Variants in SRSF9 observed in about 807,000 individuals in gnomAD.
The protein encoded by SRSF9 is serine and arginine rich splicing factor 9.
A neutral mutation model predicts 25.9 loss-of-function variants in SRSF9; 3 were observed. The observed-to-expected ratio is 0.12, with a 90% CI of 0.05 to 0.30. The LOEUF is 0.30. Ranked by LOEUF, SRSF9 falls within the 10% of genes least tolerant of loss-of-function variation. The pLI is 1.00. For missense variants in SRSF9, 161 were observed against 303.5 expected (o/e 0.53, Z 3.49); for synonymous variants, 114 against 113.2 (o/e 1.01, Z -0.05).
rs995031663 is a variant in SRSF9 at position 120,461,788 on chromosome 12, G to A, written c.*231C>T. On this transcript the variant is annotated 3_prime_UTR_variant, in exon 4 of 4. Coordinates refer to ENST00000229390, the MANE Select transcript of SRSF9 (RefSeq NM_003769.3). ...AGAACTGATTTTTTTCCCATAATCA[G>A]GGGTGAAAAATATACAACTTGTTTC... The A allele has an allele frequency of 1.0e-4, 40 of 392,898 alleles. No individual in the cohort carries two copies. Among genetic ancestry groups the A allele is most frequent in the Middle Eastern group, 1.4e-3 (2 of 1,380 alleles). The allele number at this position is 392,898 out of a possible 1,614,324, so 24.3% of individuals were successfully genotyped here.
At chr12:120,469,077 C>T (rs972233127) in intron 1 of SRSF9, among the ~76,000 whole-genome samples, 1 of 152,094 alleles carries the variant, frequency 6.6e-6, no homozygotes, top group Non-Finnish European at 1.5e-5. Flanking sequence ...GCCCCGCGGC[C>T]GCTTCCCCCT....
intron 3 of SRSF9, chr12:120,462,772 C>T (rs1322241290): frequency 6.6e-6 from 1 of 152,186 alleles, no homozygotes; most frequent in East Asian, 1.9e-4. Flanking sequence ...CTGGCTTGTC[C>T]CCAGGCCCTC....
chr12:120,469,401 G>T, intron 1 of SRSF9, 21 bp downstream of exon 1: 1 of 1,561,222 alleles, frequency 6.4e-7, no homozygotes. Flanking sequence ...GGAGGAGAGG[G>T]CAGGGGCGCG....
intron 3 of SRSF9, 29 bp from the exon 4 acceptor site, chr12:120,462,191 A>G (rs775352864): frequency 1.3e-6 from 2 of 1,582,460 alleles, no homozygotes; most frequent in South Asian, 1.1e-5. Context: ...CAAAAAGAGT[A>G]AAGGGGAAAA....
chr12:120,463,881 A>G, intron 3 of SRSF9, 69 bp downstream of exon 3: 3 of 1,517,932 alleles, frequency 2.0e-6, no homozygotes, highest in Non-Finnish European at 2.7e-6. Flanking sequence ...GCCTCTTGCT[A>G]CCTCTGCTAG....
At chr12:120,468,548 C>G (rs896812694) in intron 1 of SRSF9, among the ~76,000 whole-genome samples, 4 of 152,184 alleles carry the variant, frequency 2.6e-5, no homozygotes, top group African/African-American at 9.7e-5. Context: ...ACGTCCACCC[C>G]AGGTAGGTCG....
Position 120,461,809 on chromosome 12 carries a change from G to T in SRSF9, c.*210C>A. The T allele has an allele frequency of 4.3e-6, 2 of 465,286 alleles. No homozygotes were observed. Among genetic ancestry groups the T allele is most frequent in the Non-Finnish European group, 3.6e-6 (1 of 279,370 alleles). The allele number at this position is 465,286 out of a possible 1,614,324, so 28.8% of individuals were successfully genotyped here. On this transcript the variant is annotated 3_prime_UTR_variant, in exon 4 of 4. Coordinates refer to ENST00000229390, the MANE Select transcript of SRSF9 (RefSeq NM_003769.3). The stretch of plus-strand genomic sequence containing the variant: ...ATCAGGGGTGAAAAATATACAACTT[G>T]TTTCTGAACCAAAACCACAATTTCT...
In SRSF9 at chr12:120,464,109, T is replaced by C. The variant is rs533703713; in HGVS notation, c.363A>G (p.Ser121=). 6.2e-6 allele frequency: 10 copies of C among 1,613,032 alleles called. No individual in the cohort carries two copies. In the East Asian group the frequency reaches 2.2e-4, roughly 36 times the overall value. The change falls in exon 3 of 4, where the codon TCA becomes TCG. Residue 121 remains serine, a synonymous_variant. Coordinates refer to ENST00000229390, the MANE Select transcript of SRSF9 (RefSeq NM_003769.3). ...GATCCTTCAGGTCCTGCCAGCTGCCTGACGGAGGAAGTCCTAGGCATGGAG... is the reference window on the plus strand; with the variant it reads ...GATCCTTCAGGTCCTGCCAGCTGCCCGACGGAGGAAGTCCTAGGCATGGAG... The part of the protein sequence containing the change: ...FRVLVSGLPP[S]GSWQDLKDHM...
chr12:120,463,774 C>T (rs892049714), intron 3 of SRSF9, 176 bp downstream of exon 3: 3 of 630,372 alleles, frequency 4.8e-6, no homozygotes, highest in Admixed American at 2.9e-5. Flanking sequence ...ATACTTCTTT[C>T]AGCTATGACC....
At position 120,461,779 on chromosome 12, in the gene SRSF9, C is replaced by T. The variant is rs1178177417; in HGVS notation, c.*240G>A. ...CACAAAGACAGAACTGATTTTTTTC[C>T]CATAATCAGGGGTGAAAAATATACA... is the stretch of plus-strand genomic sequence containing the variant. On this transcript the variant is annotated 3_prime_UTR_variant, in exon 4 of 4. Coordinates refer to ENST00000229390, the MANE Select transcript of SRSF9 (RefSeq NM_003769.3). 1.1e-5 allele frequency: 4 copies of T among 356,748 alleles called. No homozygotes were observed. Among genetic ancestry groups the T allele is most frequent in the Admixed American group, 9.0e-5 (2 of 22,330 alleles). The allele number at this position is 356,748 out of a possible 1,614,324, so 22.1% of individuals were successfully genotyped here.
intron 1 of SRSF9, among the ~76,000 whole-genome samples, chr12:120,466,966 G>A (rs1322805883): frequency 6.6e-6 from 1 of 152,182 alleles, no homozygotes; most frequent in Non-Finnish European, 1.5e-5. Context: ...TAGGACTCTA[G>A]GAGAGTCAGG....
intron 1 of SRSF9, among the ~76,000 whole-genome samples, chr12:120,467,605 T>C (rs999442533): frequency 6.6e-6 from 1 of 152,196 alleles, no homozygotes; most frequent in African/African-American, 2.4e-5. Flanking sequence ...TTTACATCTC[T>C]AATGTGAACA....
At chr12:120,463,587 G>C (rs941720175) in intron 3 of SRSF9, 1 of 167,830 alleles carries the variant, frequency 6.0e-6, no homozygotes, top group African/African-American at 2.4e-5. Flanking sequence ...TGGACCCACA[G>C]GAGGGGTAGT....
chr12:120,462,357 G>A (rs1035542548), intron 3 of SRSF9, 195 bp from the exon 4 acceptor site: 3 of 496,940 alleles, frequency 6.0e-6, no homozygotes, highest in Admixed American at 4.0e-5. Flanking sequence ...CAAGAATGAA[G>A]AAAATTAAGA....
At chr12:120,469,035 G>C (rs1306552224) in intron 1 of SRSF9, among the ~76,000 whole-genome samples, 1 of 151,912 alleles carries the variant, frequency 6.6e-6, no homozygotes, top group Non-Finnish European at 1.5e-5. Flanking sequence ...GGGGAGAGGC[G>C]AGCGGGAAGG....
intron 1 of SRSF9, among the ~76,000 whole-genome samples, chr12:120,466,929 T>C (rs903294416): frequency 6.6e-6 from 1 of 152,180 alleles, no homozygotes; most frequent in Non-Finnish European, 1.5e-5. Flanking sequence ...GAGATAAATA[T>C]TCAATAAAAT....
chr12:120,464,680 G>C (rs945344802), intron 2 of SRSF9: 2 of 152,296 alleles, frequency 1.3e-5, no homozygotes, highest in Non-Finnish European at 2.9e-5. Context: ...AATACAGTGG[G>C]GGGGAAGGTA....
chr12:120,464,887 AAT>A (rs1267348289), intron 2 of SRSF9: 1 of 152,198 alleles, frequency 6.6e-6, no homozygotes, highest in Non-Finnish European at 1.5e-5. Flanking sequence ...TGAAGGAGGG[AAT>A]AGAGTTCTGG....
intron 3 of SRSF9, 167 bp from the exon 4 acceptor site, chr12:120,462,329 A>G: frequency 1.7e-6 from 1 of 594,132 alleles, no homozygotes; most frequent in Non-Finnish European, 2.7e-6. Flanking sequence ...TGAGGTAGGT[A>G]CTCTTACTAT....
Sources: allele counts gnomAD v4.1 joint callset (sites outside exome capture counted in the v4.1 genomes callset), GRCh38; gene constraint gnomAD v4.1.1; transcripts MANE v1.5; gene names NCBI Gene and HGNC (gene_info 2026-07-23, HGNC 2026-07-21).